Variants in CES3 observed in about 807,000 individuals in gnomAD.
The protein encoded by CES3 is carboxylesterase 3, also known as carboxylesterase 3 (brain).
CES3 carries 49 observed loss-of-function variants against 57.6 expected under a neutral mutation model. That is an observed-to-expected ratio of 0.85 (90% confidence interval 0.68 to 1.08). CES3 has a LOEUF of 1.08. Among genes scored for constraint, CES3 ranks in the 50% least tolerant of loss-of-function variants. The pLI is 0.00. For synonymous variants in CES3, 266 were observed against 281.6 expected, an observed-to-expected ratio of 0.94 and a Z score of 0.55; for missense variants, 645 against 742.0, an observed-to-expected ratio of 0.87 and a Z score of 1.52.
rs1355823090 is a variant in CES3 at position 66,966,963 on chromosome 16, G to T, written c.1062+98G>T. 3 of 1,393,784 alleles carry T rather than the reference G, an allele frequency of 2.2e-6. No individual in the cohort carries two copies. The African/African-American group carries it at 4.3e-5, about 20-fold the overall frequency. The allele number at this position is 1,393,784 out of a possible 1,614,324, so 86.3% of individuals were successfully genotyped here. On this transcript the variant is annotated intron_variant, in intron 8 of 12. Transcript: ENST00000303334. ...ACAGCCTTGTGAACGGAGCACTCCCGTTACTCCCATTTGATAAGTGAGAAA... is the reference window on the plus strand; with the variant it reads ...ACAGCCTTGTGAACGGAGCACTCCCTTTACTCCCATTTGATAAGTGAGAAA...
intron 1 of CES3, among the ~76,000 whole-genome samples, chr16:66,962,743 A>G (rs1963668180): frequency 6.6e-6 from 1 of 152,192 alleles, no homozygotes; most frequent in African/African-American, 2.4e-5. Context: ...CTAAAAATAC[A>G]AAAATTAGCC....
rs777911479 is a variant in CES3 at position 66,964,427 on chromosome 16, G to A, written c.631G>A (p.Glu211Lys). The part of the protein sequence containing the change: ...DVVAALRWVQ[E>K]NIAPFGGDLN... ...GGTAGCTGCTTTGCGCTGGGTGCAAGAAAACATCGCCCCCTTCGGGGGTGA... is the reference window on the plus strand; with the variant it reads ...GGTAGCTGCTTTGCGCTGGGTGCAAAAAAACATCGCCCCCTTCGGGGGTGA... Residue 211 changes from glutamate (E) to lysine (K), a missense_variant, in exon 5 of 13, where the codon GAA becomes AAA. Glu to Lys is a moderately conservative substitution (Grantham distance 56). Coordinates refer to ENST00000303334, the MANE Select transcript of CES3 (RefSeq NM_024922.6). 2 of 1,614,152 alleles carry A rather than the reference G, an allele frequency of 1.2e-6. No homozygotes were observed. The highest frequency in any genetic ancestry group is 1.7e-6 in the Non-Finnish European group (2 of 1,180,000).
chr16:66,971,835 T>C (rs759188669), intron 10 of CES3, among the ~76,000 whole-genome samples: 2 of 152,160 alleles, frequency 1.3e-5, no homozygotes, highest in Non-Finnish European at 1.5e-5. Context: ...GTGATGGGGA[T>C]TCAATAAATG....
intron 8 of CES3, chr16:66,967,523 A>G (rs575676283): frequency 4.1e-6 from 4 of 985,400 alleles, no homozygotes; most frequent in Admixed American, 6.1e-5. Flanking sequence ...GGTTTTAGAT[A>G]TCAAGCCACC....
At position 66,974,190 on chromosome 16, in the gene CES3, G is replaced by A. The variant is rs1193825185; in HGVS notation, c.*1141G>A. Reference sequence around the variant, plus strand: ...CTCCCACTTTGGCAGCACTTGAGGAGCCCTTCAACCCGCCGCTGCACTGTA... The same window carrying A: ...CTCCCACTTTGGCAGCACTTGAGGAACCCTTCAACCCGCCGCTGCACTGTA... On this transcript the variant is annotated 3_prime_UTR_variant, in exon 13 of 13. Transcript: ENST00000303334. The A allele has an allele frequency of 6.5e-6, 1 of 152,880 alleles. No individual in the cohort carries two copies. Among genetic ancestry groups the A allele is most frequent in the African/African-American group, 2.4e-5 (1 of 41,480 alleles). 9.5% of individuals were successfully genotyped at this position (152,880 alleles called of 1,614,324 possible).
intron 8 of CES3, among the ~76,000 whole-genome samples, chr16:66,969,205 A>C (rs1963788297): frequency 6.6e-6 from 1 of 152,254 alleles, no homozygotes; most frequent in Admixed American, 6.5e-5. Flanking sequence ...CAGGAGTGTG[A>C]GACCAGCCTG....
At position 66,966,883 on chromosome 16, in the gene CES3, CT is replaced by C; in HGVS notation, c.1062+19del. The C allele has an allele frequency of 1.9e-6, 3 of 1,613,594 alleles. No homozygotes were observed. The highest frequency in any genetic ancestry group is 2.5e-6 in the Non-Finnish European group (3 of 1,179,950). ...TCCCCAGGGTGAGTTGCTCCCACCC[CT>C]GTGCCCTTCAAGGCCCTGCCCCAGC... On this transcript the variant is annotated intron_variant, in intron 8 of 12. Coordinates refer to ENST00000303334, the MANE Select transcript of CES3 (RefSeq NM_024922.6).
rs1434692952 is a variant in CES3 at position 66,974,291 on chromosome 16, GGCAGGAACCGGGGCTGCGC to G, written c.*1247_*1265del. On this transcript the variant is annotated 3_prime_UTR_variant, in exon 13 of 13. Coordinates refer to ENST00000303334, the MANE Select transcript of CES3 (RefSeq NM_024922.6). ...GGGGAGGTGCGGAGGGAGAGGGGCG[GGCAGGAACCGGGGCTGCGC>G]GCAGCGCTTGCGGGCCAGAGTGAGT... 12 of 152,654 alleles carry G rather than the reference GGCAGGAACCGGGGCTGCGC, an allele frequency of 7.9e-5. No homozygotes were observed. Among genetic ancestry groups the G allele is most frequent in the African/African-American group, 2.9e-4 (12 of 41,484 alleles). 9.5% of individuals were successfully genotyped at this position (152,654 alleles called of 1,614,324 possible). A position where few individuals can be genotyped will look rare whatever the true frequency, so the allele number is the denominator to read the frequency against.
rs71647892 is a variant in CES3 at position 66,963,853 on chromosome 16, T to G, written c.478T>G (p.Tyr160Asp). ...TCTGATAACTGGCGCTGCCACCTCC[T>G]ACGATGGATCAGCTCTGGCTGCCTA... ...GALITGAATSYDGSALAAYGD... is the reference protein window; with the variant it reads ...GALITGAATSDDGSALAAYGD... Residue 160 changes from tyrosine to aspartate, a missense_variant, in exon 4 of 13, where the codon TAC becomes GAC. Physicochemically the swap from Tyr to Asp is radical, Grantham distance 160 (BLOSUM62 -3). Coordinates refer to ENST00000303334, the MANE Select transcript of CES3 (RefSeq NM_024922.6). The surrounding 1 kb of genome is among the most constrained non-coding windows in gnomAD (Gnocchi z 4.9). 2.4e-5 allele frequency: 38 copies of G among 1,614,066 alleles called. No homozygotes were observed. The South Asian group carries it at 4.0e-4, about 17-fold the overall frequency.
intron 10 of CES3, among the ~76,000 whole-genome samples, chr16:66,971,742 CCT>C (rs1963837697): frequency 6.6e-6 from 1 of 152,136 alleles, no homozygotes; most frequent in Non-Finnish European, 1.5e-5. Flanking sequence ...ATACCTACCC[CCT>C]CTGAGCCTCA....
intron 1 of CES3, chr16:66,962,950 A>G (rs1963670590): frequency 1.4e-6 from 1 of 694,422 alleles, no homozygotes; most frequent in South Asian, 1.5e-5. Context: ...CCAAGGCACA[A>G]GGCCCTAGTG....
intron 8 of CES3, chr16:66,967,860 C>G: frequency 1.5e-6 from 1 of 670,532 alleles, no homozygotes; most frequent in Non-Finnish European, 1.8e-6. Context: ...CTCTCAGGCC[C>G]GAGCAATCCT....
chr16:66,967,537 G>A (rs1963752788), intron 8 of CES3: 1 of 985,344 alleles, frequency 1.0e-6, no homozygotes, highest in African/African-American at 1.7e-5. Flanking sequence ...AGCCACCGGG[G>A]ACTTCATGAG....
intron 8 of CES3, 76 bp from the exon 9 acceptor site, chr16:66,969,603 A>C: frequency 2.1e-6 from 3 of 1,425,104 alleles, no homozygotes; most frequent in Non-Finnish European, 2.9e-6. Flanking sequence ...GACCGTGAAC[A>C]CTCTCTTGCC....
intron 8 of CES3, chr16:66,967,689 T>A: frequency 1.1e-6 from 1 of 914,158 alleles, no homozygotes; most frequent in Non-Finnish European, 1.3e-6. Context: ...ACTTTTCTTT[T>A]TTTTTTTTTT....
At position 66,963,835 on chromosome 16, in the gene CES3, A is replaced by G. The variant is rs767649354; in HGVS notation, c.460A>G (p.Thr154Ala). The stretch of plus-strand genomic sequence containing the variant: ...ATGGGTCCATGGAGGCGCTCTGATA[A>G]CTGGCGCTGCCACCTCCTACGATGG... Reference protein sequence around the residue: ...MVWVHGGALITGAATSYDGSA... With the variant: ...MVWVHGGALIAGAATSYDGSA... The change falls in exon 4 of 13, where the codon ACT becomes GCT. Residue 154 changes from threonine to alanine, a missense_variant. Transcript: ENST00000303334. The surrounding 1 kb of genome is among the most constrained non-coding windows in gnomAD (Gnocchi z 4.9). 6.8e-6 allele frequency: 11 copies of G among 1,614,084 alleles called. No homozygotes were observed. The highest frequency in any genetic ancestry group is 9.3e-6 in the Non-Finnish European group (11 of 1,179,958).
rs1334975777 is a variant in CES3 at position 66,974,090 on chromosome 16, G to A, written c.*1041G>A. On this transcript the variant is annotated 3_prime_UTR_variant, in exon 13 of 13. Coordinates refer to ENST00000303334, the MANE Select transcript of CES3 (RefSeq NM_024922.6). ...GGTGAAAAGCACCAAGAGGTTTTCAGATGGAAGTGAGAGGTGACAGTGTGC... is the reference window on the plus strand; with the variant it reads ...GGTGAAAAGCACCAAGAGGTTTTCAAATGGAAGTGAGAGGTGACAGTGTGC... 1 of 152,366 alleles carries A rather than the reference G, an allele frequency of 6.6e-6. No homozygotes were observed. Among genetic ancestry groups the A allele is most frequent in the Non-Finnish European group, 1.5e-5 (1 of 68,138 alleles). 9.4% of individuals were successfully genotyped at this position (152,366 alleles called of 1,614,324 possible).
In CES3 at chr16:66,966,744, TCA is replaced by T; in HGVS notation, c.943_944del (p.Thr315ArgfsTer2). The T allele has an allele frequency of 1.2e-6, 2 of 1,614,100 alleles. No homozygotes were observed. Among genetic ancestry groups the T allele is most frequent in the Non-Finnish European group, 1.7e-6 (2 of 1,180,018 alleles). On this transcript the variant is annotated frameshift_variant, in exon 8 of 13. Transcript: ENST00000303334. LOFTEE classifies it high-confidence loss of function. ...CTGCAGAAAAATACTATCTATCCTC[TCA>T]CCGTTGATGGCACTGTCTTCCCCAA... is the stretch of plus-strand genomic sequence containing the variant.
chr16:66,973,068 T>C lies in CES3; in HGVS notation c.*19T>C, dbSNP rs1210153020. 2 of 1,606,852 alleles carry C rather than the reference T, an allele frequency of 1.2e-6. No homozygotes were observed. Among genetic ancestry groups the C allele is most frequent in the East Asian group, 2.2e-5 (1 of 44,738 alleles). The stretch of plus-strand genomic sequence containing the variant: ...CCTCTGAGGCCAGGCCTGAACCTTC[T>C]TGGCTGGGGCAAACCACTCTTCAAG... On this transcript the variant is annotated 3_prime_UTR_variant, in exon 13 of 13. Coordinates refer to ENST00000303334, the MANE Select transcript of CES3 (RefSeq NM_024922.6).
Sources: gnomAD v4.1 joint callset for allele counts (sites outside exome capture counted in the v4.1 genomes callset) on GRCh38, gnomAD v4.1.1 for gene constraint, Gnocchi (gnomAD v3.1) non-coding constraint, MANE v1.5 for transcripts, NCBI Gene and HGNC (gene_info 2026-07-23, HGNC 2026-07-21) for gene names.